ADCY3: variants seen among roughly 807,000 people sequenced by gnomAD.
ADCY3 encodes adenylate cyclase type 3.
ADCY3 carries 70 observed loss-of-function variants against 119.4 expected under a neutral mutation model. The observed-to-expected ratio is 0.59, with a 90% CI of 0.48 to 0.72. The LOEUF is 0.72. Among genes scored for constraint, ADCY3 ranks in the 30% least tolerant of loss-of-function variants. ADCY3 has a pLI of 0.00. For synonymous variants in ADCY3, 672 were observed against 621.4 expected (o/e 1.08, Z -1.21); for missense variants, 1,238 against 1,541.6 (o/e 0.80, Z 3.30).
intron 2 of ADCY3, among the ~76,000 whole-genome samples, chr2:24,886,901 C>G (rs1057286172): frequency 1.3e-5 from 2 of 152,238 alleles, no homozygotes; most frequent in African/African-American, 4.8e-5. Context: ...AGATGCTGGG[C>G]CTGGCTGGCA....
intron 19 of ADCY3, chr2:24,821,843 A>T: frequency 4.5e-6 from 3 of 673,964 alleles, no homozygotes; most frequent in Non-Finnish European, 4.8e-6. Flanking sequence ...CTAGGCAAAG[A>T]CTGGGCAATT....
intron 21 of ADCY3, chr2:24,820,463 C>G (rs1667441458): frequency 1.4e-5 from 19 of 1,344,786 alleles, no homozygotes; most frequent in Non-Finnish European, 1.8e-5. Context: ...TGAGACAGAT[C>G]ACAAGGTATT....
intron 2 of ADCY3, among the ~76,000 whole-genome samples, chr2:24,911,706 G>C (rs1448582932): frequency 6.8e-6 from 1 of 146,194 alleles, no homozygotes; most frequent in Non-Finnish European, 1.5e-5. Context: ...TTTGGTGGTT[G>C]TGTACGTGTG....
intron 3 of ADCY3, among the ~76,000 whole-genome samples, chr2:24,844,029 G>A (rs112486215): frequency 6.9e-4 from 105 of 152,308 alleles, no homozygotes; most frequent in African/African-American, 2.4e-3. Flanking sequence ...AAAGGCCAAG[G>A]GGCATGAGAA....
rs534370216 is a variant in ADCY3 at position 24,841,097 on chromosome 2, C to T, written c.1196+162G>A. Among the ~76,000 whole-genome samples the T allele has an allele frequency of 2.0e-5, 3 of 152,326 alleles. No individual in the cohort carries two copies. Among genetic ancestry groups the T allele is most frequent in the East Asian group, 3.9e-4 (2 of 5,180 alleles). The stretch of plus-strand genomic sequence containing the variant: ...GTAAGCCACATCCCAGCTTCTAGAG[C>T]GGGAGCCTGCGCCACCCATCAACCA... On this transcript the variant is annotated intron_variant, in intron 6 of 21. Transcript: ENST00000679454. This position sits in a 1 kb window ranked among gnomAD's most constrained non-coding sequence, Gnocchi z 5.8.
rs1342385369 is a variant in ADCY3, at chr2:24,838,508, G to A, written c.1470C>T (p.Tyr490=). The part of the protein sequence containing the change: ...DYLEEKGIET[Y]LIIASKPEVK... Reference sequence around the variant, plus strand: ...CCTCTGGCTTGGAGGCAATGATGAGGTAGGTTTCAATACCCTTCTCTTCTA... The same window carrying A: ...CCTCTGGCTTGGAGGCAATGATGAGATAGGTTTCAATACCCTTCTCTTCTA... Residue 490 remains tyrosine, a synonymous_variant, in exon 8 of 22, where the codon TAC becomes TAT. Transcript: ENST00000679454. 35 of 1,613,998 alleles carry A rather than the reference G, an allele frequency of 2.2e-5. No homozygotes were observed. The highest frequency in any genetic ancestry group is 2.7e-5 in the Non-Finnish European group (32 of 1,180,040).
At chr2:24,861,226 G>A (rs1225987331) in intron 3 of ADCY3, among the ~76,000 whole-genome samples, 1 of 143,626 alleles carries the variant, frequency 7.0e-6, no homozygotes, top group Non-Finnish European at 1.5e-5. Context: ...ACTCCAGCCT[G>A]GGCGAAAGAG....
rs1558529152 is a variant in ADCY3 at position 24,912,604 on chromosome 2, CATGTGT to C, written c.675+5703_675+5708del. Among the ~76,000 whole-genome samples, 14 of 38,698 alleles carry C rather than the reference CATGTGT, an allele frequency of 3.6e-4. 1 individual carries two copies. Among genetic ancestry groups the C allele is most frequent in the Non-Finnish European group, 5.2e-4 (11 of 21,236 alleles). The allele number at this position is 38,698 out of a possible 152,430, so 25.4% of individuals were successfully genotyped here. A position where few individuals can be genotyped will look rare whatever the true frequency, so the allele number is the denominator to read the frequency against. On this transcript the variant is annotated intron_variant, in intron 2 of 21. Transcript: ENST00000679454. The stretch of plus-strand genomic sequence containing the variant: ...GTGTGTGCATGTGTGTGTGTGTGTG[CATGTGT>C]GTGTGTGTGTGTGTGCCTGCATGTG...
At chr2:24,917,557 A>G (rs1421495130) in intron 2 of ADCY3, among the ~76,000 whole-genome samples, 2 of 152,118 alleles carry the variant, frequency 1.3e-5, no homozygotes, top group African/African-American at 4.8e-5. Context: ...ACACAATACT[A>G]TAATAGTTAA....
chr2:24,861,519 C>T (rs976350326), intron 3 of ADCY3, among the ~76,000 whole-genome samples: 1 of 152,138 alleles, frequency 6.6e-6, no homozygotes, highest in African/African-American at 2.4e-5. Flanking sequence ...TCCTCTCATA[C>T]CAGGACTGTC....
In ADCY3 at chr2:24,830,812, T is replaced by A; in HGVS notation, c.2069A>T (p.Lys690Met). The change falls in exon 13 of 22, where the codon AAG (lysine) becomes ATG (methionine). Residue 690 changes from lysine to methionine, a missense_variant. By Grantham distance (95) the Lys-to-Met change is moderately conservative (BLOSUM62 -1). This residue lies in a region of ADCY3 where 499 missense variants were observed against 571.0 expected (regional missense o/e 0.87). Transcript: ENST00000679454. ...AATCCAAGTTGAGAAGGCCACAAGC[T>A]TCTTAGGAAAGGCCTAGAAGGAACA... ...AAIFPRAFPKKLVAFSTWIDR... is the reference protein window; with the variant it reads ...AAIFPRAFPKMLVAFSTWIDR... 1 of 1,613,940 alleles carries A rather than the reference T, an allele frequency of 6.2e-7. No homozygotes were observed.
chr2:24,891,121 G>A lies in ADCY3; in HGVS notation c.676-18402C>T, dbSNP rs185123761. Among the ~76,000 whole-genome samples, 180 of 152,108 alleles carry A rather than the reference G, an allele frequency of 1.2e-3. 1 individual carries two copies. Among genetic ancestry groups the A allele is most frequent in the African/African-American group, 4.0e-3 (164 of 41,480 alleles). On this transcript the variant is annotated intron_variant, in intron 2 of 21. Transcript: ENST00000679454. ...CTGACCTCAAGGATGCACCTGCCTTGGCCTCCCAAAGTGCTGGGATTACAG... is the reference window on the plus strand; with the variant it reads ...CTGACCTCAAGGATGCACCTGCCTTAGCCTCCCAAAGTGCTGGGATTACAG...
Position 24,834,978 on chromosome 2 carries a change from G to T in ADCY3, c.1663-42C>A. The T allele has an allele frequency of 1.9e-6, 3 of 1,595,830 alleles. No homozygotes were observed. Among genetic ancestry groups the T allele is most frequent in the Non-Finnish European group, 1.7e-6 (2 of 1,169,912 alleles). On this transcript the variant is annotated intron_variant, in intron 9 of 21. Transcript: ENST00000679454. This position sits in a 1 kb window ranked among gnomAD's most constrained non-coding sequence, Gnocchi z 4.2. ...CAGCGTGAGTGGGGCAGATGGGACAGAGTGGTGGGGAAGAGCTGGGAAAGA... is the reference window on the plus strand; with the variant it reads ...CAGCGTGAGTGGGGCAGATGGGACATAGTGGTGGGGAAGAGCTGGGAAAGA...
intron 2 of ADCY3, among the ~76,000 whole-genome samples, chr2:24,874,394 T>A (rs1675396000): frequency 6.6e-6 from 1 of 152,166 alleles, no homozygotes; most frequent in African/African-American, 2.4e-5. Flanking sequence ...GTCTGAGTGG[T>A]CAGTACCATA....
chr2:24,819,599 G>A lies in ADCY3; in HGVS notation c.*333C>T, dbSNP rs1234464941. On this transcript the variant is annotated 3_prime_UTR_variant, in exon 22 of 22. Transcript: ENST00000679454. The stretch of plus-strand genomic sequence containing the variant: ...TCCCTCCACAGTCCCGGAAAGCCCA[G>A]CGGCAAAGGCAGCTTTGTCCCAGCT... 4.8e-6 allele frequency: 1 copy of A among 207,204 alleles called. No homozygotes were observed. The highest frequency in any genetic ancestry group is 1.2e-4 in the East Asian group (1 of 8,282). The allele number at this position is 207,204 out of a possible 1,614,324, so 12.8% of individuals were successfully genotyped here. A position where few individuals can be genotyped will look rare whatever the true frequency, so the allele number is the denominator to read the frequency against.
rs1671150342 is a variant in ADCY3, at chr2:24,842,569, C to T, written c.826-185G>A. 1 of 714,102 alleles carries T rather than the reference C, an allele frequency of 1.4e-6. No homozygotes were observed. Among genetic ancestry groups the T allele is most frequent in the Non-Finnish European group, 2.2e-6 (1 of 445,538 alleles). 44.2% of individuals were successfully genotyped at this position (714,102 alleles called of 1,614,324 possible). On this transcript the variant is annotated intron_variant, in intron 3 of 21. Transcript: ENST00000679454. This position sits in a 1 kb window ranked among gnomAD's most constrained non-coding sequence, Gnocchi z 4.9. ...GGGTCTGGGACAGGCAGCTTCTGGC[C>T]CTGACAAGGCTGAGGGTGGCAATGG...
chr2:24,837,537 A>C (rs2148535938), intron 8 of ADCY3, among the ~76,000 whole-genome samples: 1 of 152,298 alleles, frequency 6.6e-6, no homozygotes, highest in South Asian at 2.1e-4. Context: ...TGCTTTAGCC[A>C]TAATTAGGCA....
intron 18 of ADCY3, 39 bp downstream of exon 18, chr2:24,823,170 G>A (rs767970710): frequency 2.4e-5 from 38 of 1,591,078 alleles, no homozygotes; most frequent in Admixed American, 2.1e-4. Flanking sequence ...GGAATGGGCC[G>A]GCTTCATGGC....
rs549335952 is a variant in ADCY3 at position 24,872,699 on chromosome 2, G to A, written c.696C>T (p.Leu232=). Residue 232 remains leucine (L), a synonymous_variant, in exon 3 of 22, where the codon CTC becomes CTT. Transcript: ENST00000679454. This position sits in a 1 kb window ranked among gnomAD's most constrained non-coding sequence, Gnocchi z 4.4. ...LLREILANVF[L]YLCAIAVGIM... Reference sequence around the variant, plus strand: ...TGCCCACAGCGATGGCGCACAGGTAGAGGAAGACGTTGGCCAGGATCTGCA... The same window carrying A: ...TGCCCACAGCGATGGCGCACAGGTAAAGGAAGACGTTGGCCAGGATCTGCA... 6.2e-7 allele frequency: 1 copy of A among 1,614,130 alleles called. No homozygotes were observed. Among genetic ancestry groups the A allele is most frequent in the South Asian group, 1.1e-5 (1 of 91,078 alleles).
Sources: gnomAD v4.1 joint callset for allele counts (sites outside exome capture counted in the v4.1 genomes callset) on GRCh38, gnomAD v4.1.1 for gene constraint, gnomAD v4.1.1 regional missense constraint, Gnocchi (gnomAD v3.1) non-coding constraint, MANE v1.5 for transcripts, NCBI Gene and HGNC (gene_info 2026-07-23, HGNC 2026-07-21) for gene names.